The following PPP2R3A variants were observed in gnomAD, a reference collection of about 807,000 sequenced individuals.
The protein encoded by PPP2R3A is protein phosphatase 2 regulatory subunit B''alpha, also known as serine/threonine-protein phosphatase 2A regulatory subunit B'' subunit alpha.
Under a neutral mutation model 106.9 loss-of-function variants are expected in PPP2R3A, and 80 were observed. That is an observed-to-expected ratio of 0.75 (90% CI 0.62 to 0.90). The LOEUF (loss-of-function observed/expected upper bound fraction) is 0.90. PPP2R3A is among the 40% of genes least tolerant of loss of function. PPP2R3A has a pLI of 0.00. For missense variants in PPP2R3A, 1,386 were observed against 1,350.4 expected (o/e 1.03, Z -0.41); for synonymous variants, 483 against 468.3 (o/e 1.03, Z -0.41).
intron 5 of PPP2R3A, among the ~76,000 whole-genome samples, chr3:136,060,410 A>G (rs566545521): frequency 6.6e-6 from 1 of 152,314 alleles, no homozygotes; most frequent in East Asian, 1.9e-4. Flanking sequence ...TGTAATTCCC[A>G]GTGTTGAAGG....
At chr3:136,027,547 T>G (rs539570303) in intron 3 of PPP2R3A, among the ~76,000 whole-genome samples, 17 of 152,166 alleles carry the variant, frequency 1.1e-4, no homozygotes, top group Non-Finnish European at 1.8e-4. Flanking sequence ...AAGCAAGTCT[T>G]TGGAACTTTC....
rs138108396 is a variant in PPP2R3A, at chr3:136,029,695, G to A, written c.2262+2597G>A. On this transcript the variant is annotated intron_variant, in intron 3 of 13. Coordinates refer to ENST00000264977, the MANE Select transcript of PPP2R3A (RefSeq NM_002718.5). ...TTTAGCCATAGGGACAGTCATTTAC[G>A]TAACAATTTGCTACTTATACCTAAT... 4.2e-4 allele frequency among the ~76,000 whole-genome samples: 64 copies of A among 152,262 alleles called. No homozygotes were observed. In the Middle Eastern group the frequency reaches 0.014, roughly 32 times the overall value.
At chr3:136,058,384 G>A (rs1935951099) in intron 5 of PPP2R3A, among the ~76,000 whole-genome samples, 1 of 152,068 alleles carries the variant, frequency 6.6e-6, no homozygotes, top group Admixed American at 6.6e-5. Flanking sequence ...AACAAGCCGA[G>A]AGCCAAATCA....
intron 1 of PPP2R3A, among the ~76,000 whole-genome samples, chr3:135,984,386 A>G (rs1937578504): frequency 6.6e-6 from 1 of 152,156 alleles, no homozygotes; most frequent in Admixed American, 6.5e-5. Flanking sequence ...TGAAATAGAG[A>G]TAACACTTCA....
intron 13 of PPP2R3A, among the ~76,000 whole-genome samples, chr3:136,121,185 T>TATCA (rs1937982824): frequency 6.6e-6 from 1 of 152,166 alleles, no homozygotes; most frequent in African/African-American, 2.4e-5. Context: ...CCTAGATGCC[T>TATCA]ATCAGTGGTG....
At position 135,967,016 on chromosome 3, in the gene PPP2R3A, G is replaced by A. The variant is rs142290998; in HGVS notation, c.-441+1167G>A. The stretch of plus-strand genomic sequence containing the variant: ...AAACTGTTGTTTTTTTTTCTTGGTG[G>A]TATGTTAAAAATTATCTCAGTTTCT... On this transcript the variant is annotated intron_variant, in intron 1 of 13. Transcript: ENST00000264977. Among the ~76,000 whole-genome samples, 530 of 152,072 alleles carry A rather than the reference G, an allele frequency of 3.5e-3. 4 individuals carry two copies. Among genetic ancestry groups the A allele is most frequent in the African/African-American group, 0.012 (492 of 41,480 alleles).
chr3:136,105,345 A>G (rs1937489062), intron 12 of PPP2R3A, among the ~76,000 whole-genome samples: 1 of 152,238 alleles, frequency 6.6e-6, no homozygotes. Context: ...GAGTAGACTT[A>G]CCAGGTGCTA....
At chr3:136,104,542 G>A (rs1473266448) in intron 12 of PPP2R3A, among the ~76,000 whole-genome samples, 1 of 152,122 alleles carries the variant, frequency 6.6e-6, no homozygotes, top group Non-Finnish European at 1.5e-5. Context: ...CCGACCTTAG[G>A]TGATCTGCCC....
intron 12 of PPP2R3A, 71 bp from the exon 13 acceptor site, chr3:136,106,145 T>C: frequency 7.9e-7 from 1 of 1,264,650 alleles, no homozygotes. Flanking sequence ...TATACATTTG[T>C]GTGATGATCT....
intron 13 of PPP2R3A, among the ~76,000 whole-genome samples, chr3:136,126,114 A>G (rs1938170945): frequency 6.6e-6 from 1 of 152,228 alleles, no homozygotes; most frequent in African/African-American, 2.4e-5. Flanking sequence ...CAACTGAGGT[A>G]CTTGGTTCAT....
At chr3:136,020,467 A>G (rs1025310462) in intron 2 of PPP2R3A, among the ~76,000 whole-genome samples, 8 of 152,072 alleles carry the variant, frequency 5.3e-5, no homozygotes, top group Non-Finnish European at 7.4e-5. Context: ...CATAGTAGTA[A>G]AGCAATTTGA....
chr3:136,144,947 T>C (rs1377447077), intron 13 of PPP2R3A, 96 bp from the exon 14 acceptor site: 25 of 1,391,476 alleles, frequency 1.8e-5, no homozygotes, highest in African/African-American at 2.9e-5. Context: ...CAAGGTACCT[T>C]TGTGGGCTGG....
At chr3:135,990,067 T>C (rs1333854239) in intron 1 of PPP2R3A, among the ~76,000 whole-genome samples, 2 of 152,308 alleles carry the variant, frequency 1.3e-5, no homozygotes, top group Middle Eastern at 3.4e-3. Context: ...ATTACTTTTA[T>C]AAAGATTAAA....
chr3:136,029,577 G>A (rs986941616), intron 3 of PPP2R3A, among the ~76,000 whole-genome samples: 1 of 152,198 alleles, frequency 6.6e-6, no homozygotes, highest in African/African-American at 2.4e-5. Context: ...TATGTGCAGT[G>A]AGAATCAGTC....
At chr3:136,010,957 T>A (rs1934048642) in intron 2 of PPP2R3A, among the ~76,000 whole-genome samples, 1 of 152,170 alleles carries the variant, frequency 6.6e-6, no homozygotes, top group Non-Finnish European at 1.5e-5. Context: ...TAACACTCAT[T>A]TGTCTGCTCT....
In PPP2R3A at chr3:136,100,192, A is replaced by G. The variant is rs77788775; in HGVS notation, c.2928-1815A>G. Among the ~76,000 whole-genome samples the G allele has an allele frequency of 6.4e-3, 970 of 152,236 alleles. 14 individuals carry two copies. Among genetic ancestry groups the G allele is most frequent in the African/African-American group, 0.022 (922 of 41,540 alleles). On this transcript the variant is annotated intron_variant, in intron 10 of 13. Transcript: ENST00000264977. ...TAGACTTCTCATCAATACTGGATAA[A>G]CAATGGATCAATACTTTTTAAAGTA...
Position 136,002,820 on chromosome 3 carries a change from T to C in PPP2R3A, c.1322T>C (p.Leu441Ser), listed in dbSNP as rs1933688327. Residue 441 changes from leucine to serine, a missense_variant, in exon 2 of 14, where the codon TTA (leucine) becomes TCA (serine). Coordinates refer to ENST00000264977, the MANE Select transcript of PPP2R3A (RefSeq NM_002718.5). ...QKTENGPSHE[L>S]LKVNEHRAEF... ...ACAGAGAATGGACCTAGTCATGAGT[T>C]ATTAAAGGTAAATGAACATAGAGCA... 1.9e-6 allele frequency: 3 copies of C among 1,614,044 alleles called. No individual in the cohort carries two copies. Among genetic ancestry groups the C allele is most frequent in the Non-Finnish European group, 2.5e-6 (3 of 1,179,970 alleles).
intron 13 of PPP2R3A, among the ~76,000 whole-genome samples, chr3:136,118,158 C>T (rs1035233287): frequency 7.2e-5 from 11 of 152,142 alleles, no homozygotes; most frequent in African/African-American, 2.4e-5. Context: ...GTAGAAAAGG[C>T]CTTCGACAAA....
intron 13 of PPP2R3A, among the ~76,000 whole-genome samples, chr3:136,120,086 C>T (rs954467370): frequency 6.8e-6 from 1 of 147,836 alleles, no homozygotes; most frequent in Non-Finnish European, 1.5e-5. Flanking sequence ...CCATCATTCT[C>T]AGCAAACTAA....
Sources: gnomAD v4.1 joint callset for allele counts (sites outside exome capture counted in the v4.1 genomes callset) on GRCh38, gnomAD v4.1.1 for gene constraint, MANE v1.5 for transcripts, NCBI Gene and HGNC (gene_info 2026-07-23, HGNC 2026-07-21) for gene names.